PRKCB: variants seen among roughly 807,000 people sequenced by gnomAD.
The protein encoded by PRKCB is protein kinase C beta type.
A neutral mutation model predicts 81.5 loss-of-function variants in PRKCB; 13 were observed. That is an observed-to-expected ratio of 0.16 (90% confidence interval 0.10 to 0.25). The LOEUF is 0.25. Ranked by LOEUF, PRKCB falls within the 10% of genes least tolerant of loss-of-function variation. The pLI, the probability that PRKCB is intolerant of heterozygous loss-of-function variation, is 1.00. For synonymous variants in PRKCB, 335 were observed against 321.4 expected, an observed-to-expected ratio of 1.04 and a Z score of -0.45; for missense variants, 509 against 875.7, an observed-to-expected ratio of 0.58 and a Z score of 5.29.
rs117187685 is a variant in PRKCB at position 23,975,383 on chromosome 16, C to T, written c.206-13125C>T. ...TCAACAAAGGGTGTGGCTTGTGGCT[C>T]TGTGGCCTCTGCTTTACCAGCAAGG... On this transcript the variant is annotated intron_variant, in intron 2 of 16. Coordinates refer to ENST00000643927, the MANE Select transcript of PRKCB (RefSeq NM_002738.7). 8.6e-3 allele frequency among the ~76,000 whole-genome samples: 1,311 copies of T among 152,158 alleles called. 12 individuals carry two copies. The highest frequency in any genetic ancestry group is 0.013 in the Non-Finnish European group (918 of 68,006).
intron 2 of PRKCB, among the ~76,000 whole-genome samples, chr16:23,930,750 T>TATTA (rs1963960929): frequency 6.6e-6 from 1 of 152,160 alleles, no homozygotes; most frequent in Non-Finnish European, 1.5e-5. Context: ...AGGGTTGTTG[T>TATTA]GGATTAATAC....
At chr16:24,129,369 A>G (rs1966849697) in intron 9 of PRKCB, among the ~76,000 whole-genome samples, 1 of 152,204 alleles carries the variant, frequency 6.6e-6, no homozygotes, top group South Asian at 2.1e-4. Context: ...ATAACCATAA[A>G]GAAGCTGAAA....
chr16:23,969,670 G>GTCA (rs1195354750), intron 2 of PRKCB, among the ~76,000 whole-genome samples: 2 of 152,010 alleles, frequency 1.3e-5, no homozygotes, highest in Non-Finnish European at 2.9e-5. Context: ...TGCCATCATC[G>GTCA]TCATCATCAT....
chr16:24,127,187 G>A (rs1422386727), intron 9 of PRKCB, among the ~76,000 whole-genome samples: 1 of 150,498 alleles, frequency 6.6e-6, no homozygotes, highest in Non-Finnish European at 1.5e-5. Context: ...TCCACTTTTA[G>A]TAGAGACGGG....
At chr16:23,914,959 C>G (rs1390039589) in intron 2 of PRKCB, among the ~76,000 whole-genome samples, 1 of 152,238 alleles carries the variant, frequency 6.6e-6, no homozygotes, top group Non-Finnish European at 1.5e-5. Flanking sequence ...TCTGTTTTCT[C>G]CATGTCTGTT....
intron 5 of PRKCB, among the ~76,000 whole-genome samples, chr16:24,075,856 T>A (rs1161998816): frequency 6.6e-6 from 1 of 152,214 alleles, no homozygotes; most frequent in Non-Finnish European, 1.5e-5. Flanking sequence ...ATCAGAGTCA[T>A]CTGGAAAGTG....
chr16:24,153,819 A>T (rs1304786892), intron 9 of PRKCB, among the ~76,000 whole-genome samples: 2 of 152,188 alleles, frequency 1.3e-5, no homozygotes, highest in Non-Finnish European at 2.9e-5. Context: ...TAATTTGCAA[A>T]ATATTTCTTC....
At chr16:24,020,976 T>TTTCTTTCTTTCTTTCTTTC (rs1195937545) in intron 3 of PRKCB, among the ~76,000 whole-genome samples, 48 of 96,740 alleles carry the variant, frequency 5.0e-4, no homozygotes, top group African/African-American at 1.1e-3. Context: ...AGACTTTTCT[T>TTTCTTTCTTTCTTTCTTTC]TTTCTTTCTT....
intron 7 of PRKCB, among the ~76,000 whole-genome samples, chr16:24,109,246 C>A (rs1296799827): frequency 2.7e-5 from 2 of 73,742 alleles, no homozygotes; most frequent in African/African-American, 1.1e-4. Flanking sequence ...GCAGAGGCGC[C>A]CCTCACCTCC....
At chr16:24,205,835 G>C (rs1486206751) in intron 16 of PRKCB, among the ~76,000 whole-genome samples, 2 of 152,122 alleles carry the variant, frequency 1.3e-5, no homozygotes, top group Non-Finnish European at 2.9e-5. Context: ...AATAATTATA[G>C]ACTGAGATAT....
chr16:24,092,067 A>G (rs908155442), intron 5 of PRKCB, among the ~76,000 whole-genome samples: 1 of 152,232 alleles, frequency 6.6e-6, no homozygotes, highest in African/African-American at 2.4e-5. Flanking sequence ...ATTCAGTGAC[A>G]TTTATAGAAT....
At chr16:24,076,774 G>A (rs988342376) in intron 5 of PRKCB, among the ~76,000 whole-genome samples, 4 of 152,178 alleles carry the variant, frequency 2.6e-5, no homozygotes, top group African/African-American at 9.7e-5. Context: ...TGATGGCCAG[G>A]GTCACTGGAA....
At chr16:23,874,183 G>A (rs1234897314) in intron 2 of PRKCB, among the ~76,000 whole-genome samples, 1 of 152,220 alleles carries the variant, frequency 6.6e-6, no homozygotes, top group Non-Finnish European at 1.5e-5. Flanking sequence ...TGTCAGAAGA[G>A]ATAGACATTT....
Position 24,133,326 on chromosome 16 carries a change from G to A in PRKCB, c.1065+9345G>A, listed in dbSNP as rs184250010. Among the ~76,000 whole-genome samples the A allele has an allele frequency of 5.7e-3, 862 of 152,306 alleles. 4 individuals are homozygous for A. The highest frequency in any genetic ancestry group is 0.01 in the Non-Finnish European group (690 of 68,022). On this transcript the variant is annotated intron_variant, in intron 9 of 16. Transcript: ENST00000643927. ...TTTCTGTTCATCCTCATCACTCTGT[G>A]CTTATTGGCTACCTGTCCATGTGTA... is the stretch of plus-strand genomic sequence containing the variant.
intron 2 of PRKCB, among the ~76,000 whole-genome samples, chr16:23,850,943 C>T (rs1191883447): frequency 6.6e-6 from 1 of 152,076 alleles, no homozygotes; most frequent in Non-Finnish European, 1.5e-5. Context: ...CTGTTCAGAT[C>T]CCATTTTTAA....
intron 7 of PRKCB, among the ~76,000 whole-genome samples, chr16:24,096,666 A>AAAAAATATATAT (rs1406204037): frequency 6.7e-4 from 22 of 32,676 alleles, no homozygotes; most frequent in Non-Finnish European, 1.2e-3. Flanking sequence ...AAAAAAAAAA[A>AAAAAATATATAT]ATATATATAT....
intron 2 of PRKCB, among the ~76,000 whole-genome samples, chr16:23,932,139 GA>G (rs375559037): frequency 2.8e-4 from 42 of 152,188 alleles, no homozygotes; most frequent in African/African-American, 9.2e-4. Context: ...ATGGAAGTGT[GA>G]AAAAAATAGA....
chr16:23,945,513 A>G (rs1372723649), intron 2 of PRKCB, among the ~76,000 whole-genome samples: 2 of 152,174 alleles, frequency 1.3e-5, no homozygotes, highest in East Asian at 1.9e-4. Context: ...TAGGGGCCCA[A>G]TAAGTACTGG....
chr16:23,993,034 G>T (rs920953322), intron 3 of PRKCB, among the ~76,000 whole-genome samples: 2 of 152,080 alleles, frequency 1.3e-5, no homozygotes, highest in Admixed American at 6.5e-5. Context: ...GGCTTTCCCT[G>T]AGGCAGTTGC....
Sources: gnomAD v4.1 joint callset for allele counts (sites outside exome capture counted in the v4.1 genomes callset) on GRCh38, gnomAD v4.1.1 for gene constraint, MANE v1.5 for transcripts, NCBI Gene and HGNC (gene_info 2026-07-23, HGNC 2026-07-21) for gene names.